The following CWC27 variants were observed in gnomAD, a reference collection of about 807,000 sequenced individuals.
CWC27 encodes spliceosome-associated protein CWC27 homolog.
In CWC27, 47 loss-of-function variants were observed where a neutral mutation model predicts 63.6. The ratio of observed to expected loss-of-function variants is 0.74; its 90% CI spans 0.58 to 0.94. CWC27 has a LOEUF of 0.94. CWC27 is among the 40% of genes least tolerant of loss of function. The pLI, the probability that CWC27 is intolerant of heterozygous loss-of-function variation, is 0.00. For synonymous variants in CWC27, 175 were observed against 179.8 expected (o/e 0.97, Z 0.22); for missense variants, 495 against 554.3 (o/e 0.89, Z 1.07).
chr5:64,774,591 A>G (rs1561398985), intron 1 of CWC27, 100 bp from the exon 2 acceptor site: 1 of 611,884 alleles, frequency 1.6e-6, no homozygotes, highest in Non-Finnish European at 2.6e-6. Flanking sequence ...TATTTCTTTT[A>G]AAATTGAAAA....
intron 11 of CWC27, among the ~76,000 whole-genome samples, chr5:64,948,938 CA>C (rs1748646716): frequency 6.6e-6 from 1 of 151,844 alleles, no homozygotes; most frequent in Admixed American, 6.6e-5. Context: ...ATAGTAGAAG[CA>C]GAAATCATGA....
chr5:64,897,096 CT>C (rs1170699785), intron 11 of CWC27, among the ~76,000 whole-genome samples: 1 of 152,004 alleles, frequency 6.6e-6, no homozygotes, highest in Non-Finnish European at 1.5e-5. Flanking sequence ...ACCTGTAATC[CT>C]AGCTACTGGG....
rs558126156 is a variant in CWC27 at position 64,802,153 on chromosome 5, A to T, written c.780+821A>T. 2.6e-5 allele frequency among the ~76,000 whole-genome samples: 4 copies of T among 152,362 alleles called. No individual in the cohort carries two copies. The East Asian group carries it at 7.7e-4, about 29-fold the overall frequency. Reference sequence around the variant, plus strand: ...AGGTCCCTCTAGCTCAGAGAATAGCATATGCTAAAGCATGGAAATAAGGAG... The same window carrying T: ...AGGTCCCTCTAGCTCAGAGAATAGCTTATGCTAAAGCATGGAAATAAGGAG... On this transcript the variant is annotated intron_variant, in intron 9 of 13. Transcript: ENST00000381070.
chr5:64,772,920 G>A (rs368146948), intron 1 of CWC27, among the ~76,000 whole-genome samples: 136 of 151,758 alleles, frequency 9.0e-4, no homozygotes, highest in African/African-American at 3.2e-3. Flanking sequence ...CTGCGCAACG[G>A]GGTGAGACTC....
chr5:64,813,796 A>C (rs568405810), intron 10 of CWC27, among the ~76,000 whole-genome samples: 89 of 152,318 alleles, frequency 5.8e-4, no homozygotes, highest in African/African-American at 2.1e-3. Flanking sequence ...ATTAAATTGG[A>C]AAGTATAGTT....
chr5:64,971,755 A>G lies in CWC27; in HGVS notation c.1095A>G (p.Gln365=), dbSNP rs753998969. Residue 365 remains glutamine (Q), a synonymous_variant, in exon 12 of 14, where the codon CAA becomes CAG. Coordinates refer to ENST00000381070, the MANE Select transcript of CWC27 (RefSeq NM_005869.4). ...TTGCCGAATACAGAAGAGAAAAGCA[A>G]AAGTATGAAGCTTTGAGGAAGCAAC... is the stretch of plus-strand genomic sequence containing the variant. ...GAVAEYRREK[Q]KYEALRKQQS... is the part of the protein sequence containing the mutation. The G allele has an allele frequency of 6.2e-6, 10 of 1,612,320 alleles. No individual in the cohort carries two copies. The highest frequency in any genetic ancestry group is 3.3e-4 in the Middle Eastern group (2 of 6,078).
chr5:64,939,384 G>A (rs547265424), intron 11 of CWC27, among the ~76,000 whole-genome samples: 35 of 152,278 alleles, frequency 2.3e-4, no homozygotes, highest in African/African-American at 7.0e-4. Flanking sequence ...TCTGCTGCAG[G>A]TCTGCACGAA....
chr5:64,870,296 T>C (rs895197474), intron 10 of CWC27, among the ~76,000 whole-genome samples: 5 of 152,242 alleles, frequency 3.3e-5, no homozygotes, highest in Non-Finnish European at 5.9e-5. Flanking sequence ...TGTTACTTAG[T>C]ACAAATTGAA....
intron 13 of CWC27, among the ~76,000 whole-genome samples, chr5:65,003,196 G>A (rs1003374075): frequency 3.3e-5 from 5 of 152,144 alleles, no homozygotes; most frequent in Admixed American, 6.5e-5. Context: ...AAGTGAGTTC[G>A]TTATAGGCAG....
chr5:64,866,350 C>T (rs928659114), intron 10 of CWC27, among the ~76,000 whole-genome samples: 1 of 152,012 alleles, frequency 6.6e-6, no homozygotes, highest in South Asian at 2.1e-4. Context: ...CTAAATATGG[C>T]ATATAGTACC....
chr5:65,016,408 A>G (rs1750048278), intron 13 of CWC27, among the ~76,000 whole-genome samples: 1 of 152,044 alleles, frequency 6.6e-6, no homozygotes, highest in South Asian at 2.1e-4. Context: ...GGCTGAGGCA[A>G]GGTGTTCACT....
At position 64,817,633 on chromosome 5, in the gene CWC27, C is replaced by G. The variant is rs560707146; in HGVS notation, c.938+13247C>G. Among the ~76,000 whole-genome samples the G allele has an allele frequency of 3.2e-4, 49 of 152,162 alleles. 1 individual carries two copies. The East Asian group carries it at 8.5e-3, about 26-fold the overall frequency. The stretch of plus-strand genomic sequence containing the variant: ...TTATAACAGCAGACACAATATAAAC[C>G]ATTCAGTAATGACCTACTTTGAAGT... On this transcript the variant is annotated intron_variant, in intron 10 of 13. Coordinates refer to ENST00000381070, the MANE Select transcript of CWC27 (RefSeq NM_005869.4).
intron 11 of CWC27, among the ~76,000 whole-genome samples, chr5:64,918,371 T>C (rs1325527229): frequency 6.6e-6 from 1 of 152,176 alleles, no homozygotes; most frequent in African/African-American, 2.4e-5. Context: ...GTGACTATGG[T>C]TAATAACAAT....
chr5:64,933,947 T>C (rs1748292477), intron 11 of CWC27, among the ~76,000 whole-genome samples: 1 of 152,228 alleles, frequency 6.6e-6, no homozygotes, highest in Non-Finnish European at 1.5e-5. Context: ...AAATTTTGTC[T>C]TTTATTCTAA....
chr5:64,846,988 C>A (rs1745996469), intron 10 of CWC27, among the ~76,000 whole-genome samples: 1 of 89,246 alleles, frequency 1.1e-5, no homozygotes, highest in Non-Finnish European at 2.0e-5. Flanking sequence ...AATAAGACTC[C>A]ATCTCAAAAA....
At chr5:64,903,545 G>A (rs377636015) in intron 11 of CWC27, among the ~76,000 whole-genome samples, 1 of 152,038 alleles carries the variant, frequency 6.6e-6, no homozygotes, top group African/African-American at 2.4e-5. Context: ...GGCAAGGGGA[G>A]GGAGAGCATT....
rs576524271 is a variant in CWC27, at chr5:64,924,848, T to C, written c.1042+39302T>C. 2.6e-5 allele frequency among the ~76,000 whole-genome samples: 4 copies of C among 152,286 alleles called. No homozygotes were observed. In the South Asian group the frequency reaches 8.3e-4, roughly 32 times the overall value. On this transcript the variant is annotated intron_variant, in intron 11 of 13. Coordinates refer to ENST00000381070, the MANE Select transcript of CWC27 (RefSeq NM_005869.4). ...ATGATTGGCATATATAGAAATTTTA[T>C]GTAAAGCATTTAGCATAGTGCTAAT...
At chr5:64,790,449 TTA>T (rs1744035555) in intron 7 of CWC27, among the ~76,000 whole-genome samples, 1 of 152,164 alleles carries the variant, frequency 6.6e-6, no homozygotes, top group Non-Finnish European at 1.5e-5. Context: ...GATTCTGTGG[TTA>T]TGTTTGTGAA....
intron 13 of CWC27, among the ~76,000 whole-genome samples, chr5:65,010,218 T>TA (rs1294177745): frequency 3.3e-5 from 5 of 152,032 alleles, no homozygotes; most frequent in African/African-American, 1.2e-4. Context: ...AACAGGGACA[T>TA]ACACCAGTGG....
Sources: gnomAD v4.1 joint callset for allele counts (sites outside exome capture counted in the v4.1 genomes callset) on GRCh38, gnomAD v4.1.1 for gene constraint, MANE v1.5 for transcripts, NCBI Gene and HGNC (gene_info 2026-07-23, HGNC 2026-07-21) for gene names.